The following PIAS1 variants were observed in gnomAD, a reference collection of about 807,000 sequenced individuals.
PIAS1 encodes the protein E3 SUMO-protein ligase PIAS1.
A neutral mutation model predicts 71.3 loss-of-function variants in PIAS1; 6 were observed. That is an observed-to-expected ratio of 0.08 (90% CI 0.05 to 0.17). PIAS1 has a LOEUF of 0.17. Among genes scored for constraint, PIAS1 ranks in the 10% least tolerant of loss-of-function variants. The probability of loss-of-function intolerance (pLI) is 1.00; values close to 1 mark genes in which losing one functional copy is unlikely to be tolerated. For missense variants in PIAS1, 555 were observed against 793.6 expected, an observed-to-expected ratio of 0.70 and a Z score of 3.61; for synonymous variants, 303 against 292.9, an observed-to-expected ratio of 1.03 and a Z score of -0.35.
In PIAS1 at chr15:68,189,072, T is replaced by A. The variant is rs7350788; in HGVS notation, c.*1237T>A. Reference sequence around the variant, plus strand: ...TACCTATTTTCTTAGCGTATCTGCCTTGTTTATCTTTTTCTTCACCTTTTA... The same window carrying A: ...TACCTATTTTCTTAGCGTATCTGCCATGTTTATCTTTTTCTTCACCTTTTA... On this transcript the variant is annotated 3_prime_UTR_variant, in exon 14 of 14. Transcript: ENST00000249636. 6.6e-6 allele frequency: 1 copy of A among 152,368 alleles called. No homozygotes were observed. The highest frequency in any genetic ancestry group is 2.4e-5 in the African/African-American group (1 of 41,588). 9.4% of individuals were successfully genotyped at this position (152,368 alleles called of 1,614,324 possible).
At chr15:68,179,685 C>T (rs932443334) in intron 11 of PIAS1, among the ~76,000 whole-genome samples, 1 of 144,902 alleles carries the variant, frequency 6.9e-6, no homozygotes, top group Non-Finnish European at 1.5e-5. Flanking sequence ...AAGTGATTCT[C>T]CTGCCTCAGC....
intron 8 of PIAS1, among the ~76,000 whole-genome samples, chr15:68,165,633 G>T (rs1595782306): frequency 1.3e-5 from 2 of 152,226 alleles, no homozygotes; most frequent in African/African-American, 4.8e-5. Context: ...TCATTTTCAT[G>T]AAATAAATAT....
intron 2 of PIAS1, chr15:68,087,956 C>G: frequency 3.5e-6 from 1 of 284,184 alleles, no homozygotes; most frequent in Non-Finnish European, 7.2e-6. Flanking sequence ...TTTTGAGAAT[C>G]TACTGTATGC....
chr15:68,142,157 A>G (rs893683384), intron 3 of PIAS1, 127 bp downstream of exon 3: 2 of 932,652 alleles, frequency 2.1e-6, no homozygotes, highest in African/African-American at 3.3e-5. Context: ...ATGAAAGTAT[A>G]GTGTGTTAGT....
At chr15:68,162,377 A>G (rs145019648) in intron 7 of PIAS1, among the ~76,000 whole-genome samples, 2 of 152,262 alleles carry the variant, frequency 1.3e-5, no homozygotes. Flanking sequence ...TGCTATGTCT[A>G]TAAAGGGTGC....
intron 1 of PIAS1, among the ~76,000 whole-genome samples, chr15:68,080,714 C>A (rs1055732726): frequency 2.0e-5 from 3 of 152,114 alleles, no homozygotes; most frequent in Non-Finnish European, 2.9e-5. Flanking sequence ...TGTGCAGTTA[C>A]AGAATTTGTG....
At chr15:68,176,276 TTTA>T (rs1432953063) in intron 10 of PIAS1, among the ~76,000 whole-genome samples, 195 bp from the exon 11 acceptor site, 1 of 152,190 alleles carries the variant, frequency 6.6e-6, no homozygotes, top group African/African-American at 2.4e-5. Context: ...AATTCAGTAA[TTTA>T]TTATTTTGAA....
intron 1 of PIAS1, among the ~76,000 whole-genome samples, chr15:68,074,188 G>C (rs189190765): frequency 6.6e-6 from 1 of 152,216 alleles, no homozygotes; most frequent in Non-Finnish European, 1.5e-5. Context: ...TTTAGAGATA[G>C]CGTTTTGAAG....
intron 2 of PIAS1, among the ~76,000 whole-genome samples, chr15:68,119,527 G>A (rs1039580445): frequency 1.3e-5 from 2 of 151,996 alleles, no homozygotes; most frequent in Admixed American, 6.6e-5. Context: ...TCTACTGTGG[G>A]ACAGTATACT....
intron 1 of PIAS1, among the ~76,000 whole-genome samples, chr15:68,085,076 A>G (rs931361364): frequency 1.3e-5 from 2 of 152,182 alleles, no homozygotes; most frequent in African/African-American, 4.8e-5. Flanking sequence ...CCTGCAAAGA[A>G]CCCTTAGAGA....
chr15:68,097,131 A>T (rs908773077), intron 2 of PIAS1, among the ~76,000 whole-genome samples: 1 of 152,148 alleles, frequency 6.6e-6, no homozygotes, highest in Non-Finnish European at 1.5e-5. Context: ...AAACTTGTCA[A>T]ATGTCTTTTC....
intron 2 of PIAS1, among the ~76,000 whole-genome samples, chr15:68,103,212 C>T (rs1595726992): frequency 1.3e-5 from 2 of 152,232 alleles, no homozygotes; most frequent in East Asian, 1.9e-4. Flanking sequence ...CAGGTGTGAG[C>T]CACTCTGCCT....
At chr15:68,098,699 A>G (rs973675235) in intron 2 of PIAS1, among the ~76,000 whole-genome samples, 2 of 152,158 alleles carry the variant, frequency 1.3e-5, no homozygotes, top group African/African-American at 4.8e-5. Context: ...CTGCACCTAC[A>G]AACAAACATA....
chr15:68,187,989 C>A lies in PIAS1; in HGVS notation c.*154C>A. ...TAGGGAAAAAATTAAAAGAAATGTA[C>A]AGAGAACAAAACTATATTTTCAGTT... On this transcript the variant is annotated 3_prime_UTR_variant, in exon 14 of 14. Coordinates refer to ENST00000249636, the MANE Select transcript of PIAS1 (RefSeq NM_016166.3). The surrounding 1 kb of genome is among the most constrained non-coding windows in gnomAD (Gnocchi z 5.3). 1.6e-6 allele frequency: 1 copy of A among 612,820 alleles called. No individual in the cohort carries two copies. Among genetic ancestry groups the A allele is most frequent in the Non-Finnish European group, 2.8e-6 (1 of 359,648 alleles). 38.0% of individuals were successfully genotyped at this position (612,820 alleles called of 1,614,324 possible).
At position 68,183,625 on chromosome 15, in the gene PIAS1, C is replaced by T; in HGVS notation, c.1625-5C>T. ...TTTAAACTGAAATAATTTTTTCTTC[C>T]ACAGGATTAGATTTCTTTCCTTTCT... On this transcript the variant is annotated splice_region_variant and splice_polypyrimidine_tract_variant and intron_variant, in intron 12 of 13. Transcript: ENST00000249636. 4 of 1,105,146 alleles carry T rather than the reference C, an allele frequency of 3.6e-6. No individual in the cohort carries two copies. Among genetic ancestry groups the T allele is most frequent in the East Asian group, 2.6e-5 (1 of 38,268 alleles). The allele number at this position is 1,105,146 out of a possible 1,614,324, so 68.5% of individuals were successfully genotyped here. A position where few individuals can be genotyped will look rare whatever the true frequency, so the allele number is the denominator to read the frequency against.
intron 2 of PIAS1, among the ~76,000 whole-genome samples, chr15:68,129,794 TACACACACACACACACACACACAC>T (rs67860159): frequency 4.1e-5 from 6 of 144,988 alleles, no homozygotes; most frequent in Admixed American, 2.1e-4. Context: ...TAATTGTATT[TACACACACACACACACACACACAC>T]ACACACACAC....
chr15:68,187,930 G>A lies in PIAS1; in HGVS notation c.*95G>A. On this transcript the variant is annotated 3_prime_UTR_variant, in exon 14 of 14. Coordinates refer to ENST00000249636, the MANE Select transcript of PIAS1 (RefSeq NM_016166.3). This position sits in a 1 kb window ranked among gnomAD's most constrained non-coding sequence, Gnocchi z 5.3. ...GCTCTGTTTTACCTTACTCTGTTTAGAAAAGTATACAAGCGTGTTTTTTTT... is the reference window on the plus strand; with the variant it reads ...GCTCTGTTTTACCTTACTCTGTTTAAAAAAGTATACAAGCGTGTTTTTTTT... 1 of 1,158,216 alleles carries A rather than the reference G, an allele frequency of 8.6e-7. No individual in the cohort carries two copies. Among genetic ancestry groups the A allele is most frequent in the Non-Finnish European group, 1.2e-6 (1 of 822,678 alleles). The allele number at this position is 1,158,216 out of a possible 1,614,324, so 71.7% of individuals were successfully genotyped here.
chr15:68,166,699 C>T (rs915224063), intron 8 of PIAS1, among the ~76,000 whole-genome samples: 4 of 152,102 alleles, frequency 2.6e-5, no homozygotes, highest in African/African-American at 4.8e-5. Context: ...AGCATTTATT[C>T]GTATAAATAA....
chr15:68,182,728 C>T (rs949881897), intron 12 of PIAS1, among the ~76,000 whole-genome samples: 3 of 152,150 alleles, frequency 2.0e-5, no homozygotes, highest in African/African-American at 7.2e-5. Context: ...CCAGTTACAG[C>T]TGCTCTTAAC....
Sources: gnomAD v4.1 joint callset for allele counts (sites outside exome capture counted in the v4.1 genomes callset) on GRCh38, gnomAD v4.1.1 for gene constraint, Gnocchi (gnomAD v3.1) non-coding constraint, MANE v1.5 for transcripts, NCBI Gene and HGNC (gene_info 2026-07-23, HGNC 2026-07-21) for gene names.